TENM3: variants seen among roughly 807,000 people sequenced by gnomAD.
TENM3 encodes the protein teneurin transmembrane protein 3.
A neutral mutation model predicts 255.1 loss-of-function variants in TENM3; 63 were observed. The observed-to-expected ratio is 0.25, with a 90% CI of 0.20 to 0.30. TENM3 has a LOEUF of 0.30. Among genes scored for constraint, TENM3 ranks in the 10% least tolerant of loss-of-function variants. The probability of loss-of-function intolerance (pLI) is 1.00; values close to 1 mark genes in which losing one functional copy is unlikely to be tolerated. For synonymous variants in TENM3, 1,306 were observed against 1,322.3 expected (o/e 0.99, Z 0.27); for missense variants, 2,929 against 3,461.1 (o/e 0.85, Z 3.86).
chr4:181,756,201 A>G, the TENM3 span, among the ~76,000 whole-genome samples: 1 of 152,278 alleles, frequency 6.6e-6, no homozygotes, highest in East Asian at 1.9e-4. Flanking sequence ...TCTAATGGAG[A>G]AATAACCAAT....
At position 182,568,700 on chromosome 4, in the gene TENM3, C is replaced by T. The variant is rs551862251; in HGVS notation, c.512-32224C>T. Among the ~76,000 whole-genome samples, 128 of 152,234 alleles carry T rather than the reference C, an allele frequency of 8.4e-4. 1 individual carries two copies. Among genetic ancestry groups the T allele is most frequent in the South Asian group, 5.0e-3 (24 of 4,812 alleles). On this transcript the variant is annotated intron_variant, in intron 3 of 27. Coordinates refer to ENST00000511685, the MANE Select transcript of TENM3 (RefSeq NM_001080477.4). Reference sequence around the variant, plus strand: ...CAGGTGAAAAACTGTTTATAGCACCCTTATTCAGAATTACCTAAAACAGGA... The same window carrying T: ...CAGGTGAAAAACTGTTTATAGCACCTTTATTCAGAATTACCTAAAACAGGA...
intron 1 of TENM3, among the ~76,000 whole-genome samples, chr4:182,187,967 G>A (rs1421203231): frequency 6.6e-6 from 1 of 152,076 alleles, no homozygotes; most frequent in Non-Finnish European, 1.5e-5. Context: ...AGCAATCTGT[G>A]TGAAACAGTG....
At position 182,801,137 on chromosome 4, in the gene TENM3, GATT is replaced by G. The variant is rs900312912; in HGVS notation, c.*787_*789del. 6.6e-6 allele frequency: 1 copy of G among 152,240 alleles called. No homozygotes were observed. Among genetic ancestry groups the G allele is most frequent in the African/African-American group, 2.4e-5 (1 of 41,134 alleles). 9.4% of individuals were successfully genotyped at this position (152,240 alleles called of 1,614,324 possible). A position where few individuals can be genotyped will look rare whatever the true frequency, so the allele number is the denominator to read the frequency against. ...AAAATGATAAAAACGTGAACTGTGT[GATT>G]TTTTTAAAAGGATTGCACCTTTTGT... On this transcript the variant is annotated 3_prime_UTR_variant, in exon 28 of 28. Coordinates refer to ENST00000511685, the MANE Select transcript of TENM3 (RefSeq NM_001080477.4).
the TENM3 span, among the ~76,000 whole-genome samples, chr4:181,483,081 T>C: frequency 6.6e-6 from 1 of 152,152 alleles, no homozygotes; most frequent in Admixed American, 6.6e-5. Flanking sequence ...AGTGGATAAT[T>C]CTGAGTTCTT....
intron 1 of TENM3, among the ~76,000 whole-genome samples, chr4:182,236,918 G>C (rs947242103): frequency 4.6e-5 from 7 of 152,162 alleles, no homozygotes; most frequent in African/African-American, 1.7e-4. Context: ...TGCCCTGGTG[G>C]TTTGCTGCAC....
intron 3 of TENM3, among the ~76,000 whole-genome samples, chr4:182,553,460 C>T (rs1163054102): frequency 6.6e-6 from 1 of 151,280 alleles, no homozygotes; most frequent in East Asian, 1.9e-4. Context: ...AGCACACCAA[C>T]ATGGCACATG....
intron 1 of TENM3, among the ~76,000 whole-genome samples, chr4:182,314,248 C>A (rs1379379561): frequency 6.6e-6 from 1 of 151,986 alleles, no homozygotes; most frequent in Non-Finnish European, 1.5e-5. Flanking sequence ...TTGCAGTGAG[C>A]CGAGATCGCG....
chr4:181,849,422 G>T, the TENM3 span, among the ~76,000 whole-genome samples: 13 of 152,152 alleles, frequency 8.5e-5, no homozygotes, highest in East Asian at 2.1e-3. Flanking sequence ...AACATTTTCA[G>T]CAATGATGAG....
chr4:182,181,820 A>G (rs955406752), intron 1 of TENM3, among the ~76,000 whole-genome samples: 1 of 152,096 alleles, frequency 6.6e-6, no homozygotes, highest in African/African-American at 2.4e-5. Flanking sequence ...AGTATACTGC[A>G]TAATCAATCA....
the TENM3 span, among the ~76,000 whole-genome samples, chr4:181,774,016 T>G: frequency 2.5e-4 from 35 of 141,764 alleles, no homozygotes; most frequent in Middle Eastern, 3.6e-3. Flanking sequence ...TTTTTTTTTT[T>G]TTTTTTTTTT....
At chr4:182,268,690 A>G (rs560969595) in intron 1 of TENM3, among the ~76,000 whole-genome samples, 1 of 152,272 alleles carries the variant, frequency 6.6e-6, no homozygotes, top group Non-Finnish European at 1.5e-5. Flanking sequence ...TGATGACAAG[A>G]GTGACCTCTG....
the TENM3 span, among the ~76,000 whole-genome samples, chr4:182,105,559 C>G: frequency 1.3e-5 from 2 of 152,084 alleles, no homozygotes; most frequent in Admixed American, 1.3e-4. Flanking sequence ...CAAATGCAGC[C>G]AAAGGAAGAT....
At chr4:181,494,782 T>TA in the TENM3 span, among the ~76,000 whole-genome samples, 5 of 152,142 alleles carry the variant, frequency 3.3e-5, no homozygotes, top group African/African-American at 1.2e-4. Flanking sequence ...GTGCTTCCCA[T>TA]ATTCATCTTT....
chr4:181,692,415 G>A, the TENM3 span, among the ~76,000 whole-genome samples: 1 of 152,140 alleles, frequency 6.6e-6, no homozygotes, highest in African/African-American at 2.4e-5. Context: ...ATTTTAAATT[G>A]TAGTCTAATG....
chr4:182,194,854 C>T (rs1216362952), intron 1 of TENM3, among the ~76,000 whole-genome samples: 1 of 152,136 alleles, frequency 6.6e-6, no homozygotes, highest in East Asian at 1.9e-4. Flanking sequence ...AAGATTGCAG[C>T]TCCTCAGCGA....
chr4:182,463,858 G>A (rs932369005), intron 3 of TENM3, among the ~76,000 whole-genome samples: 6 of 151,942 alleles, frequency 3.9e-5, no homozygotes, highest in African/African-American at 1.5e-4. Context: ...CCGACCTCAG[G>A]TGATCCACCC....
rs1004518846 is a variant in TENM3, at chr4:182,404,081, A to T, written c.511+57152A>T. Among the ~76,000 whole-genome samples the T allele has an allele frequency of 5.9e-5, 9 of 152,166 alleles. 1 individual carries two copies. Among genetic ancestry groups the T allele is most frequent in the Non-Finnish European group, 1.3e-4 (9 of 68,042 alleles). ...TGGGCTTATTATCATCGTGCTTTAG[A>T]ATTTGCTAATTCCTTTTTTCAATCA... On this transcript the variant is annotated intron_variant, in intron 3 of 27. Coordinates refer to ENST00000511685, the MANE Select transcript of TENM3 (RefSeq NM_001080477.4).
chr4:181,597,786 A>T, the TENM3 span, among the ~76,000 whole-genome samples: 2 of 152,070 alleles, frequency 1.3e-5, no homozygotes, highest in African/African-American at 4.8e-5. Flanking sequence ...TGTTTCCATC[A>T]ATCAGTAATT....
intron 26 of TENM3, among the ~76,000 whole-genome samples, chr4:182,794,759 A>G (rs190477396): frequency 2.0e-5 from 3 of 152,360 alleles, no homozygotes; most frequent in Admixed American, 6.5e-5. Flanking sequence ...TGGAACAACC[A>G]GCATGTGAAA....
Sources: allele counts gnomAD v4.1 joint callset (sites outside exome capture counted in the v4.1 genomes callset), GRCh38; gene constraint gnomAD v4.1.1; transcripts MANE v1.5; gene names NCBI Gene and HGNC (gene_info 2026-07-23, HGNC 2026-07-21).